Variants in TAB2 observed in about 807,000 individuals in gnomAD.
TAB2 encodes TGF-beta-activated kinase 1 and MAP3K7-binding protein 2.
TAB2 carries 3 observed loss-of-function variants against 65.0 expected under a neutral mutation model. That is an observed-to-expected ratio of 0.05 (90% CI 0.02 to 0.12). The LOEUF is 0.12. Among genes scored for constraint, TAB2 ranks in the 10% least tolerant of loss-of-function variants. The pLI is 1.00. For missense variants in TAB2, 623 were observed against 840.3 expected, an observed-to-expected ratio of 0.74 and a Z score of 3.20; for synonymous variants, 298 against 285.1, an observed-to-expected ratio of 1.05 and a Z score of -0.46.
In TAB2 at chr6:149,377,924, AG is replaced by A. The variant is rs1192569187; in HGVS notation, c.103-93del. Reference sequence around the variant, plus strand: ...TCCAAATATATGTTATAATTGTATTAGCCAGTCACTTGGTAATCATGTATTT... The same window carrying A: ...TCCAAATATATGTTATAATTGTATTACCAGTCACTTGGTAATCATGTATTT... On this transcript the variant is annotated intron_variant, in intron 2 of 6. Coordinates refer to ENST00000637181, the MANE Select transcript of TAB2 (RefSeq NM_001292034.3). 8.7e-6 allele frequency: 8 copies of A among 918,438 alleles called. No individual in the cohort carries two copies. The African/African-American group carries it at 1.3e-4, about 15-fold the overall frequency. The allele number at this position is 918,438 out of a possible 1,614,324, so 56.9% of individuals were successfully genotyped here. A position where few individuals can be genotyped will look rare whatever the true frequency, so the allele number is the denominator to read the frequency against.
chr6:149,362,147 G>A (rs934330710), intron 1 of TAB2, among the ~76,000 whole-genome samples: 1 of 152,134 alleles, frequency 6.6e-6, no homozygotes, highest in African/African-American at 2.4e-5. Context: ...ACATTTTCAA[G>A]TATCTTTATA....
intron 1 of TAB2, among the ~76,000 whole-genome samples, chr6:149,259,889 G>T (rs1197466955): frequency 6.6e-6 from 1 of 152,086 alleles, no homozygotes; most frequent in Non-Finnish European, 1.5e-5. Flanking sequence ...CCCATGACAG[G>T]GATTCTGTGA....
Position 149,370,075 on chromosome 6 carries a change from T to G in TAB2, c.78T>G (p.Val26=). 6.2e-7 allele frequency: 1 copy of G among 1,614,040 alleles called. No homozygotes were observed. The highest frequency in any genetic ancestry group is 8.5e-7 in the Non-Finnish European group (1 of 1,179,944). ...AAAAATTCCCTGAAGTACCTGAAGT[T>G]GTTGTATCCAGGTGCATGTTACAGG... ...LRQKFPEVPE[V]VVSRCMLQNN... is the part of the protein sequence containing the mutation. Residue 26 remains valine (V), a synonymous_variant, in exon 2 of 7, where the codon GTT becomes GTG. Transcript: ENST00000637181.
At chr6:149,317,129 C>T (rs908355428), upstream of TAB2, among the ~76,000 whole-genome samples, 8 of 151,786 alleles carry the variant, frequency 5.3e-5, no homozygotes, top group Admixed American at 2.0e-4. The surrounding 1 kb of genome is among the most constrained non-coding windows in gnomAD (Gnocchi z 4.7). Flanking sequence ...CCAGCCCCTC[C>T]GCTAGGTGCA....
chr6:149,239,753 A>G (rs1454216907), intron 1 of TAB2, among the ~76,000 whole-genome samples: 3 of 152,176 alleles, frequency 2.0e-5, no homozygotes, highest in Non-Finnish European at 4.4e-5. Context: ...TCACTCAACA[A>G]ATACTTCTTG....
intron 2 of TAB2, among the ~76,000 whole-genome samples, chr6:149,373,064 T>C (rs1166505106): frequency 4.6e-5 from 7 of 152,216 alleles, no homozygotes; most frequent in Admixed American, 4.6e-4. Flanking sequence ...TCTCTTAAGT[T>C]TATCTGTTGC....
rs75275826 is a variant in TAB2, at chr6:149,284,743, T to G, written c.-121+65967T>G. Among the ~76,000 whole-genome samples the G allele has an allele frequency of 9.2e-3, 1,397 of 151,886 alleles. 16 individuals carry two copies. The highest frequency in any genetic ancestry group is 0.031 in the African/African-American group (1,273 of 41,424). On this transcript the variant is annotated intron_variant, in intron 1 of 1. Transcript: ENST00000606202. The stretch of plus-strand genomic sequence containing the variant: ...CTCATGGGCAGTTGCCTGAAGGGCA[T>G]ACCTTATTTATCCATCTAGCTGCTA...
chr6:149,228,645 C>G (rs2114629865), intron 1 of TAB2, among the ~76,000 whole-genome samples: 1 of 152,340 alleles, frequency 6.6e-6, no homozygotes, highest in African/African-American at 2.4e-5. Flanking sequence ...CCTAACGATT[C>G]AGGCACCAGC....
At chr6:149,346,816 A>T (rs1780322462) in intron 1 of TAB2, among the ~76,000 whole-genome samples, 2 of 152,104 alleles carry the variant, frequency 1.3e-5, no homozygotes, top group Admixed American at 1.3e-4. Flanking sequence ...TATTTAACCA[A>T]CTTATTAAAA....
chr6:149,272,002 C>G (rs1778373977), intron 1 of TAB2, among the ~76,000 whole-genome samples: 1 of 151,724 alleles, frequency 6.6e-6, no homozygotes, highest in Admixed American at 6.6e-5. Context: ...CCACCCCCAA[C>G]CCCCCAAAGA....
At chr6:149,345,912 T>A (rs1044106380) in intron 1 of TAB2, among the ~76,000 whole-genome samples, 2 of 152,204 alleles carry the variant, frequency 1.3e-5, no homozygotes, top group Non-Finnish European at 2.9e-5. Context: ...GACATCATAT[T>A]CCACTAAACA....
intron 3 of TAB2, among the ~76,000 whole-genome samples, chr6:149,394,683 C>T (rs1216648586): frequency 6.6e-6 from 1 of 152,168 alleles, no homozygotes; most frequent in Non-Finnish European, 1.5e-5. Flanking sequence ...TCTTCAGATA[C>T]TTCCAGCAAT....
At chr6:149,304,654 A>G (rs1351385994) in intron 1 of TAB2, among the ~76,000 whole-genome samples, 1 of 152,214 alleles carries the variant, frequency 6.6e-6, no homozygotes, top group Non-Finnish European at 1.5e-5. Flanking sequence ...TGGCTTTACA[A>G]ATACGCAACA....
chr6:149,253,661 C>T (rs1486488936), intron 1 of TAB2, among the ~76,000 whole-genome samples: 4 of 146,026 alleles, frequency 2.7e-5, no homozygotes, highest in Non-Finnish European at 6.0e-5. Context: ...TGATGGCTCA[C>T]GCTTGTAATC....
chr6:149,262,694 T>C (rs778166340), intron 1 of TAB2, among the ~76,000 whole-genome samples: 2 of 152,198 alleles, frequency 1.3e-5, no homozygotes, highest in South Asian at 2.1e-4. Flanking sequence ...CCACATCACA[T>C]CCATCATCTT....
intron 1 of TAB2, among the ~76,000 whole-genome samples, chr6:149,248,409 G>A (rs1264823553): frequency 1.1e-5 from 1 of 90,882 alleles, no homozygotes; most frequent in Admixed American, 1.2e-4. Context: ...GAGAGACAGA[G>A]AGGGAAAGAA....
intron 2 of TAB2, among the ~76,000 whole-genome samples, chr6:149,370,742 A>G (rs867727869): frequency 6.6e-5 from 10 of 152,086 alleles, no homozygotes; most frequent in East Asian, 1.9e-4. Context: ...GTGCCTTTCT[A>G]TTTTATTAAA....
At chr6:149,348,935 C>T (rs150114679) in intron 1 of TAB2, among the ~76,000 whole-genome samples, 4,288 of 151,400 alleles carry the variant, frequency 0.028, 100 homozygotes, top group East Asian at 0.069. Context: ...CCGTTGAACT[C>T]CAGCCTGGGC....
At chr6:149,287,845 G>A (rs1778705464) in intron 1 of TAB2, among the ~76,000 whole-genome samples, 1 of 152,162 alleles carries the variant, frequency 6.6e-6, no homozygotes, top group Non-Finnish European at 1.5e-5. Context: ...CCTATGCATG[G>A]GGCATGTTAT....
Sources: gnomAD v4.1 joint callset for allele counts (sites outside exome capture counted in the v4.1 genomes callset) on GRCh38, gnomAD v4.1.1 for gene constraint, Gnocchi (gnomAD v3.1) non-coding constraint, MANE v1.5 for transcripts, NCBI Gene and HGNC (gene_info 2026-07-23, HGNC 2026-07-21) for gene names.